USP12: variants seen among roughly 807,000 people sequenced by gnomAD.
USP12 encodes the protein ubiquitin specific peptidase 12, also known as ubiquitin carboxyl-terminal hydrolase 12.
USP12 carries 19 observed loss-of-function variants against 45.5 expected under a neutral mutation model. The observed-to-expected ratio is 0.42, with a 90% CI of 0.29 to 0.61. The LOEUF is 0.61. Ranked by LOEUF, USP12 falls within the 20% of genes least tolerant of loss-of-function variation. The pLI, the probability that USP12 is intolerant of heterozygous loss-of-function variation, is 0.22. For synonymous variants in USP12, 149 were observed against 148.8 expected (o/e 1.00, Z -0.01); for missense variants, 242 against 447.7 (o/e 0.54, Z 4.15).
intron 2 of USP12, among the ~76,000 whole-genome samples, chr13:27,109,311 T>G (rs17085196): frequency 3.9e-5 from 6 of 152,198 alleles, no homozygotes; most frequent in African/African-American, 1.2e-4. Context: ...AACTGAATAT[T>G]GTGTGTCTTT....
intron 1 of USP12, among the ~76,000 whole-genome samples, chr13:27,132,018 G>T (rs935866884): frequency 1.8e-4 from 28 of 152,036 alleles, no homozygotes; most frequent in Admixed American, 1.3e-4. Context: ...TGCTTCTACT[G>T]GTTCTACATC....
intron 3 of USP12, among the ~76,000 whole-genome samples, chr13:27,100,195 T>C (rs1874802732): frequency 6.6e-6 from 1 of 152,176 alleles, no homozygotes; most frequent in African/African-American, 2.4e-5. Flanking sequence ...TTATCTAACC[T>C]TGCCCTTCAA....
chr13:27,149,569 G>C (rs1877478099), intron 1 of USP12, among the ~76,000 whole-genome samples: 1 of 152,192 alleles, frequency 6.6e-6, no homozygotes, highest in Non-Finnish European at 1.5e-5. Context: ...CAATTGTATT[G>C]ATCTCATAAA....
In USP12 at chr13:27,069,228, C is replaced by G; in HGVS notation, c.*55G>C. The G allele has an allele frequency of 8.1e-6, 12 of 1,483,018 alleles. No individual in the cohort carries two copies. The highest frequency in any genetic ancestry group is 1.1e-5 in the South Asian group (1 of 88,214). The allele number at this position is 1,483,018 out of a possible 1,614,324, so 91.9% of individuals were successfully genotyped here. A position where few individuals can be genotyped will look rare whatever the true frequency, so the allele number is the denominator to read the frequency against. ...TGAAAAATCAGTGCTTGATCCTTTC[C>G]AAAATAACCAGAGAAGAAATGAGGC... On this transcript the variant is annotated 3_prime_UTR_variant, in exon 9 of 9. Transcript: ENST00000282344.
chr13:27,104,796 T>C (rs930610588), intron 3 of USP12, among the ~76,000 whole-genome samples: 16 of 152,318 alleles, frequency 1.1e-4, no homozygotes, highest in African/African-American at 3.1e-4. Context: ...CGCAATAGGG[T>C]ATTTAATAAT....
intron 1 of USP12, among the ~76,000 whole-genome samples, chr13:27,152,742 A>C (rs914430357): frequency 6.6e-6 from 1 of 151,944 alleles, no homozygotes. Flanking sequence ...GGAGATAGAG[A>C]CCATCCTGGT....
intron 1 of USP12, among the ~76,000 whole-genome samples, chr13:27,120,407 CTT>C (rs1714870635): frequency 6.6e-6 from 1 of 152,190 alleles, no homozygotes; most frequent in African/African-American, 2.4e-5. Context: ...AATCCCAACA[CTT>C]TGAGACGATG....
intron 1 of USP12, among the ~76,000 whole-genome samples, chr13:27,156,496 A>G (rs1341426244): frequency 6.6e-6 from 1 of 152,242 alleles, no homozygotes; most frequent in South Asian, 2.1e-4. Flanking sequence ...GGTAATTTCA[A>G]CAATGATTGG....
At chr13:27,081,276 A>T (rs1040808022) in intron 6 of USP12, among the ~76,000 whole-genome samples, 1 of 152,226 alleles carries the variant, frequency 6.6e-6, no homozygotes, top group Non-Finnish European at 1.5e-5. Context: ...AAGGTTATGT[A>T]ATATTCTAAA....
intron 6 of USP12, among the ~76,000 whole-genome samples, chr13:27,082,182 T>C (rs541039534): frequency 9.2e-5 from 14 of 152,350 alleles, no homozygotes; most frequent in African/African-American, 3.1e-4. Flanking sequence ...GTTTCCTCTA[T>C]ATTGAAAATC....
intron 6 of USP12, among the ~76,000 whole-genome samples, chr13:27,078,226 AT>A (rs1565982002): frequency 6.6e-6 from 1 of 152,178 alleles, no homozygotes; most frequent in African/African-American, 2.4e-5. Context: ...AGTAAAAAAA[AT>A]TTTTAAAAAG....
At chr13:27,077,329 G>T (rs9512536) in intron 6 of USP12, 1 of 152,140 alleles carries the variant, frequency 6.6e-6, no homozygotes, top group Admixed American at 6.5e-5. Context: ...AGAATTTTCT[G>T]AGCATAAAAT....
At chr13:27,116,152 A>T (rs909677936) in intron 2 of USP12, among the ~76,000 whole-genome samples, 2 of 152,002 alleles carry the variant, frequency 1.3e-5, no homozygotes, top group Non-Finnish European at 2.9e-5. Flanking sequence ...CTCTACTAAA[A>T]ATACAAAAAA....
At chr13:27,074,549 T>G (rs1369317552) in intron 7 of USP12, among the ~76,000 whole-genome samples, 1 of 152,180 alleles carries the variant, frequency 6.6e-6, no homozygotes, top group African/African-American at 2.4e-5. Context: ...TTAAAATTAT[T>G]AAAGGAAATT....
At chr13:27,166,846 C>A (rs17085268) in intron 1 of USP12, among the ~76,000 whole-genome samples, 1 of 152,064 alleles carries the variant, frequency 6.6e-6, no homozygotes, top group African/African-American at 2.4e-5. Flanking sequence ...AACCTGTCAA[C>A]GCCCTAGTAC....
At chr13:27,147,824 A>G (rs1877380298) in intron 1 of USP12, among the ~76,000 whole-genome samples, 2 of 152,202 alleles carry the variant, frequency 1.3e-5, no homozygotes, top group Admixed American at 1.3e-4. Context: ...CTTCCATCTA[A>G]ATGTGAAATA....
At chr13:27,167,009 A>G (rs978665533) in intron 1 of USP12, among the ~76,000 whole-genome samples, 2 of 152,196 alleles carry the variant, frequency 1.3e-5, no homozygotes, top group African/African-American at 4.8e-5. Context: ...GTGTAAAACT[A>G]TATCTAGGGA....
At chr13:27,143,167 C>T (rs1468589460) in intron 1 of USP12, among the ~76,000 whole-genome samples, 1 of 150,316 alleles carries the variant, frequency 6.7e-6, no homozygotes, top group Non-Finnish European at 1.5e-5. Context: ...GTGGCAAAAT[C>T]GAGAATAATT....
intron 2 of USP12, among the ~76,000 whole-genome samples, 183 bp downstream of exon 2, chr13:27,116,333 A>C (rs899626545): frequency 1.4e-5 from 2 of 143,820 alleles, no homozygotes; most frequent in Non-Finnish European, 3.1e-5. Context: ...AAAAAAAAAA[A>C]GATGTCAGGC....
Sources: allele counts gnomAD v4.1 joint callset (sites outside exome capture counted in the v4.1 genomes callset), GRCh38; gene constraint gnomAD v4.1.1; transcripts MANE v1.5; gene names NCBI Gene and HGNC (gene_info 2026-07-23, HGNC 2026-07-21).